C3orf22: variants seen among roughly 807,000 people sequenced by gnomAD.
The protein encoded by C3orf22 is uncharacterized protein C3orf22.
Under a neutral mutation model 10.8 loss-of-function variants are expected in C3orf22, and 7 were observed. The observed-to-expected ratio is 0.65, with a 90% CI of 0.37 to 1.22. The LOEUF is 1.22. C3orf22 is among the 50% of genes most tolerant of loss of function. The pLI, the probability that C3orf22 is intolerant of heterozygous loss-of-function variation, is 0.02. For missense variants in C3orf22, 173 were observed against 177.0 expected (o/e 0.98, Z 0.13); for synonymous variants, 79 against 78.9 (o/e 1.00, Z 0.00).
rs190452339 is a variant in C3orf22 at position 126,552,548 on chromosome 3, G to A, written c.90-426C>T. Among the ~76,000 whole-genome samples the A allele has an allele frequency of 1.1e-3, 160 of 152,332 alleles. 1 individual carries two copies. Among genetic ancestry groups the A allele is most frequent in the Non-Finnish European group, 2.0e-3 (138 of 68,024 alleles). ...TATGGCTACAGTTTCCTGGGGCAAG[G>A]ACAAGAACAGGTGCTCAGCTGGCCC... On this transcript the variant is annotated intron_variant, in intron 2 of 3. Transcript: ENST00000318225.
chr3:126,530,986 C>T (rs114905443), intron 4 of C3orf22, among the ~76,000 whole-genome samples: 2 of 152,388 alleles, frequency 1.3e-5, no homozygotes, highest in African/African-American at 2.4e-5. Flanking sequence ...TTCAGTTACA[C>T]GCAGCAGGGT....
chr3:126,529,337 A>G (rs1172730123), exon 5 of C3orf22: 7 of 1,289,214 alleles, frequency 5.4e-6, no homozygotes, highest in Non-Finnish European at 6.1e-6. Context: ...CTGGGCTGGT[A>G]TTTCCTCATG....
chr3:126,557,879 G>A (rs565814739), intron 1 of C3orf22, among the ~76,000 whole-genome samples: 66 of 152,350 alleles, frequency 4.3e-4, no homozygotes, highest in African/African-American at 1.6e-3. Flanking sequence ...GGCTAAAGGG[G>A]GTCTTGGTGG....
intron 4 of C3orf22, among the ~76,000 whole-genome samples, chr3:126,539,827 C>CA (rs1936903630): frequency 1.0e-5 from 1 of 98,258 alleles, no homozygotes. Context: ...AACACACATA[C>CA]CACACACACA....
chr3:126,542,134 C>T lies in C3orf22; in HGVS notation c.286+7403G>A, dbSNP rs1394902446. 10 of 1,566,428 alleles carry T rather than the reference C, an allele frequency of 6.4e-6. No individual in the cohort carries two copies. In the Middle Eastern group the frequency reaches 5.1e-4, roughly 79 times the overall value. On this transcript the variant is annotated intron_variant and NMD_transcript_variant, in intron 4 of 5. Transcript: ENST00000505070. ...ACAAGCTCGCGCGCCCCTACAGCGC[C>T]GCCTTCCAGAGGCGCTACGGTGCAC... is the stretch of plus-strand genomic sequence containing the variant.
At chr3:126,553,735 T>C (rs1937259307) in intron 1 of C3orf22, among the ~76,000 whole-genome samples, 2 of 152,156 alleles carry the variant, frequency 1.3e-5, no homozygotes, top group Non-Finnish European at 2.9e-5. Context: ...GGGGCAGCCA[T>C]GTGATTTCAG....
At chr3:126,527,871 A>G (rs1936569742) in exon 6 of C3orf22, 1 of 152,106 alleles carries the variant, frequency 6.6e-6, no homozygotes, top group Non-Finnish European at 1.5e-5. Context: ...GGAATTGGCA[A>G]TCCTATTTTG....
chr3:126,537,932 A>G (rs1873402), intron 4 of C3orf22, among the ~76,000 whole-genome samples: 152,002 of 152,306 alleles, frequency 1, 75,851 homozygotes, highest in Middle Eastern at 1. Context: ...TAGAGCCAGC[A>G]AGGAATCCAG....
At chr3:126,549,272 CAT>C (rs138813485), downstream of C3orf22, among the ~76,000 whole-genome samples, 9,411 of 146,612 alleles carry the variant, frequency 0.064, 419 homozygotes, top group African/African-American at 0.091. Flanking sequence ...CACACACACA[CAT>C]ACACACACCG....
downstream of C3orf22, among the ~76,000 whole-genome samples, chr3:126,548,187 G>T (rs1937099720): frequency 6.6e-6 from 1 of 152,202 alleles, no homozygotes; most frequent in Admixed American, 6.5e-5. Flanking sequence ...TAGAGACGGG[G>T]TTTCACCATG....
chr3:126,548,028 A>G (rs1189162986), downstream of C3orf22, among the ~76,000 whole-genome samples: 4 of 152,154 alleles, frequency 2.6e-5, no homozygotes, highest in African/African-American at 9.7e-5. Context: ...AAAAGCAAAC[A>G]ATGTGTTATT....
At chr3:126,537,345 G>A (rs955690854) in intron 4 of C3orf22, among the ~76,000 whole-genome samples, 2 of 152,228 alleles carry the variant, frequency 1.3e-5, no homozygotes, top group Non-Finnish European at 2.9e-5. Context: ...TGGGCAGCAC[G>A]CAGGCCCTGC....
At chr3:126,541,889 C>G in intron 4 of C3orf22, 1 of 1,600,280 alleles carries the variant, frequency 6.2e-7, no homozygotes, top group Non-Finnish European at 8.5e-7. Context: ...CTGCTACGTG[C>G]CCAAGGTGGC....
intron 4 of C3orf22, among the ~76,000 whole-genome samples, chr3:126,532,650 C>T (rs1936682329): frequency 6.6e-6 from 1 of 152,206 alleles, no homozygotes; most frequent in Admixed American, 6.5e-5. Context: ...GCCAGCACCA[C>T]ACAGTCTTGA....
Position 126,541,876 on chromosome 3 carries a change from C to G in C3orf22, c.286+7661G>C, listed in dbSNP as rs755784570. 18 of 1,599,132 alleles carry G rather than the reference C, an allele frequency of 1.1e-5. No homozygotes were observed. The South Asian group carries it at 1.9e-4, about 17-fold the overall frequency. On this transcript the variant is annotated intron_variant and NMD_transcript_variant, in intron 4 of 5. Coordinates refer to the C3orf22 transcript ENST00000505070. ...TGGTGGACGACGCGCATGGCCTGCT[C>G]TACTGCTACGTGCCCAAGGTGGCCT...
At chr3:126,534,730 C>T (rs1254869151) in intron 4 of C3orf22, among the ~76,000 whole-genome samples, 2 of 149,422 alleles carry the variant, frequency 1.3e-5, no homozygotes, top group Non-Finnish European at 3.0e-5. Context: ...GACAGACAGA[C>T]AGCATCCCTG....
At chr3:126,531,273 C>G (rs1163315192) in intron 4 of C3orf22, among the ~76,000 whole-genome samples, 1 of 152,214 alleles carries the variant, frequency 6.6e-6, no homozygotes, top group African/African-American at 2.4e-5. Context: ...GGGCCCCACA[C>G]AAGCTGAAGT....
At chr3:126,532,537 A>G (rs1000486227) in intron 4 of C3orf22, among the ~76,000 whole-genome samples, 2 of 152,200 alleles carry the variant, frequency 1.3e-5, no homozygotes, top group Non-Finnish European at 2.9e-5. Flanking sequence ...TCCTTTCCCC[A>G]TTGAATTGTC....
intron 4 of C3orf22, chr3:126,541,657 C>A: frequency 7.6e-7 from 1 of 1,322,288 alleles, no homozygotes; most frequent in Non-Finnish European, 9.8e-7. Flanking sequence ...GGGCGCATCC[C>A]GCCGGGGCAG....
Sources: gnomAD v4.1 joint callset for allele counts (sites outside exome capture counted in the v4.1 genomes callset) on GRCh38, gnomAD v4.1.1 for gene constraint, MANE v1.5 for transcripts, NCBI Gene and HGNC (gene_info 2026-07-23, HGNC 2026-07-21) for gene names.